The following CFAP61 variants were observed in gnomAD, a reference collection of about 807,000 sequenced individuals.
CFAP61 encodes cilia- and flagella-associated protein 61.
Under a neutral mutation model 135.6 loss-of-function variants are expected in CFAP61, and 107 were observed. The observed-to-expected ratio is 0.79, with a 90% CI of 0.67 to 0.93. The LOEUF (loss-of-function observed/expected upper bound fraction) is 0.93. Among genes scored for constraint, CFAP61 ranks in the 40% least tolerant of loss-of-function variants. The pLI, the probability that CFAP61 is intolerant of heterozygous loss-of-function variation, is 0.00. For missense variants in CFAP61, 1,507 were observed against 1,556.2 expected (o/e 0.97, Z 0.53); for synonymous variants, 575 against 578.5 (o/e 0.99, Z 0.09).
intron 26 of CFAP61, among the ~76,000 whole-genome samples, chr20:20,353,464 C>T (rs925667141): frequency 1.3e-5 from 2 of 152,108 alleles, no homozygotes; most frequent in Non-Finnish European, 2.9e-5. Flanking sequence ...TGAAATAACT[C>T]GGTAAATAAT....
intron 8 of CFAP61, among the ~76,000 whole-genome samples, chr20:20,115,054 T>G (rs1161958484): frequency 6.6e-6 from 1 of 152,204 alleles, no homozygotes; most frequent in Non-Finnish European, 1.5e-5. Context: ...GTATTTATTT[T>G]GTTAATTTCA....
intron 25 of CFAP61, among the ~76,000 whole-genome samples, chr20:20,298,646 G>A (rs756558260): frequency 4.6e-5 from 7 of 152,212 alleles, no homozygotes; most frequent in South Asian, 2.1e-4. Context: ...TACCATGGAC[G>A]GGCTTGGAGG....
In CFAP61 at chr20:20,259,500, T is replaced by C. The variant is rs577451040; in HGVS notation, c.2329-3456T>C. Among the ~76,000 whole-genome samples the C allele has an allele frequency of 4.0e-5, 6 of 151,454 alleles. No individual in the cohort carries two copies. The East Asian group carries it at 1.2e-3, about 29-fold the overall frequency. ...GTTTCCCAGGCTGGTCTCAAACTTC[T>C]AGGCTCAAGGGATCCGCCTGCCTCA... On this transcript the variant is annotated intron_variant, in intron 20 of 26. Coordinates refer to ENST00000245957, the MANE Select transcript of CFAP61 (RefSeq NM_015585.4).
At chr20:20,076,646 A>G (rs1478454625) in intron 6 of CFAP61, among the ~76,000 whole-genome samples, 2 of 152,180 alleles carry the variant, frequency 1.3e-5, no homozygotes, top group Non-Finnish European at 2.9e-5. Context: ...AATAAATTGT[A>G]TCTTTTGGGA....
At chr20:20,324,717 C>T (rs2057680965) in intron 25 of CFAP61, among the ~76,000 whole-genome samples, 1 of 152,146 alleles carries the variant, frequency 6.6e-6, no homozygotes, top group Admixed American at 6.6e-5. Context: ...TCTCCCCATG[C>T]TCATGAACAC....
chr20:20,103,455 G>A (rs2048160730), intron 8 of CFAP61, among the ~76,000 whole-genome samples: 2 of 151,476 alleles, frequency 1.3e-5, no homozygotes, highest in Non-Finnish European at 3.0e-5. Context: ...TAGTAGAAGT[G>A]TATTTTTTTT....
chr20:20,054,204 C>T (rs2044080410), intron 1 of CFAP61, among the ~76,000 whole-genome samples: 1 of 151,678 alleles, frequency 6.6e-6, no homozygotes, highest in African/African-American at 2.4e-5. Flanking sequence ...TCTTTGAATT[C>T]TTTCAGTCTT....
chr20:20,311,692 C>G (rs1301128336), intron 25 of CFAP61, among the ~76,000 whole-genome samples: 1 of 152,046 alleles, frequency 6.6e-6, no homozygotes, highest in Non-Finnish European at 1.5e-5. Flanking sequence ...GAGAAGGTTG[C>G]ACAGAGAGAG....
At chr20:20,233,341 C>T (rs1443251230) in intron 18 of CFAP61, among the ~76,000 whole-genome samples, 1 of 152,244 alleles carries the variant, frequency 6.6e-6, no homozygotes, top group Admixed American at 6.5e-5. Flanking sequence ...GTGATTGTGA[C>T]TCCCCGTCCT....
Position 20,109,311 on chromosome 20 carries a change from G to GTAT in CFAP61, c.859+10500_859+10502dup, listed in dbSNP as rs941001087. 1.6e-4 allele frequency among the ~76,000 whole-genome samples: 24 copies of GTAT among 152,178 alleles called. 1 individual carries two copies. The highest frequency in any genetic ancestry group is 1.3e-4 in the Admixed American group (2 of 15,280). On this transcript the variant is annotated intron_variant, in intron 8 of 26. Transcript: ENST00000245957. ...AATAATGTCTTTCTTCCTGAACTCT[G>GTAT]TATTAGCTCTACCCTGATTTTCACT...
intron 6 of CFAP61, among the ~76,000 whole-genome samples, chr20:20,084,486 T>C (rs1335354497): frequency 6.6e-6 from 1 of 152,154 alleles, no homozygotes; most frequent in Admixed American, 6.5e-5. Flanking sequence ...GCATTTGCAG[T>C]GGTTTCTGTG....
At chr20:20,127,013 A>G (rs1287085029) in intron 8 of CFAP61, among the ~76,000 whole-genome samples, 1 of 151,322 alleles carries the variant, frequency 6.6e-6, no homozygotes, top group Non-Finnish European at 1.5e-5. Flanking sequence ...TATGTTGCTG[A>G]GACTTACCAG....
rs143669599 is a variant in CFAP61 at position 20,212,303 on chromosome 20, T to C, written c.1932+12401T>C. Among the ~76,000 whole-genome samples the C allele has an allele frequency of 2.4e-3, 371 of 152,196 alleles. 3 individuals are homozygous for C. Among genetic ancestry groups the C allele is most frequent in the South Asian group, 0.022 (107 of 4,818 alleles). On this transcript the variant is annotated intron_variant, in intron 17 of 26. Transcript: ENST00000245957. Reference sequence around the variant, plus strand: ...CTCTCTCTCTCTGTCCCTCTCTCCCTCCAGCCATCTCTCTCACACACACAC... The same window carrying C: ...CTCTCTCTCTCTGTCCCTCTCTCCCCCCAGCCATCTCTCTCACACACACAC...
intron 4 of CFAP61, 115 bp downstream of exon 4, chr20:20,074,493 G>T: frequency 2.4e-6 from 2 of 840,192 alleles, no homozygotes; most frequent in Non-Finnish European, 2.0e-6. Flanking sequence ...TGTAATTTGT[G>T]GCTATATTAA....
At chr20:20,092,793 A>T (rs2047298968) in intron 7 of CFAP61, among the ~76,000 whole-genome samples, 1 of 152,218 alleles carries the variant, frequency 6.6e-6, no homozygotes, top group African/African-American at 2.4e-5. Flanking sequence ...CTAAGATACC[A>T]CTTTACCTCT....
At chr20:20,286,801 T>C (rs968178038) in intron 22 of CFAP61, among the ~76,000 whole-genome samples, 1 of 152,192 alleles carries the variant, frequency 6.6e-6, no homozygotes, top group Non-Finnish European at 1.5e-5. Flanking sequence ...ACACCAAAAG[T>C]GTATAAGTAA....
At chr20:20,346,375 G>C (rs1172219191) in intron 26 of CFAP61, among the ~76,000 whole-genome samples, 1 of 151,278 alleles carries the variant, frequency 6.6e-6, no homozygotes, top group African/African-American at 2.4e-5. Context: ...AAAACTAGCT[G>C]GGCATGGTGG....
intron 26 of CFAP61, among the ~76,000 whole-genome samples, chr20:20,355,845 T>G (rs1207669101): frequency 8.4e-5 from 8 of 95,178 alleles, no homozygotes; most frequent in South Asian, 3.4e-4. Flanking sequence ...TGAGGGGAGG[T>G]GGTCACACTG....
At chr20:20,268,476 C>T (rs899637740) in intron 21 of CFAP61, among the ~76,000 whole-genome samples, 3 of 152,228 alleles carry the variant, frequency 2.0e-5, no homozygotes, top group African/African-American at 7.2e-5. Flanking sequence ...AGCTCCTTCC[C>T]ACAGTCACTG....
Sources: allele counts gnomAD v4.1 joint callset (sites outside exome capture counted in the v4.1 genomes callset), GRCh38; gene constraint gnomAD v4.1.1; transcripts MANE v1.5; gene names NCBI Gene and HGNC (gene_info 2026-07-23, HGNC 2026-07-21).